The following TMPRSS9 variants were observed in gnomAD, a reference collection of about 807,000 sequenced individuals.
The protein encoded by TMPRSS9 is transmembrane protease serine 9.
A neutral mutation model predicts 111.4 loss-of-function variants in TMPRSS9; 113 were observed. The observed-to-expected ratio is 1.01, with a 90% CI of 0.87 to 1.19. TMPRSS9 has a LOEUF of 1.19. Among genes scored for constraint, TMPRSS9 ranks in the 50% most tolerant of loss-of-function variants. The pLI is 0.00. For missense variants in TMPRSS9, 1,803 were observed against 1,513.1 expected (o/e 1.19, Z -3.18); for synonymous variants, 805 against 659.1 (o/e 1.22, Z -3.39).
chr19:2,424,597 C>T (rs1404089549), intron 15 of TMPRSS9, among the ~76,000 whole-genome samples: 1 of 151,794 alleles, frequency 6.6e-6, no homozygotes, highest in Non-Finnish European at 1.5e-5. Context: ...TTCCCCAGCC[C>T]TCGCCCCTGG....
chr19:2,413,443 C>T (rs532128115), intron 9 of TMPRSS9, among the ~76,000 whole-genome samples: 1 of 152,124 alleles, frequency 6.6e-6, no homozygotes, highest in South Asian at 2.1e-4. Context: ...ATTTGGGTCA[C>T]GTTTTGGCCT....
chr19:2,408,716 C>T (rs1245933888), intron 8 of TMPRSS9, 86 bp downstream of exon 9: 2 of 1,515,302 alleles, frequency 1.3e-6, no homozygotes, highest in African/African-American at 2.7e-5. Flanking sequence ...GTGGCTCACG[C>T]CTGTCATCCC....
intron 1 of TMPRSS9, among the ~76,000 whole-genome samples, chr19:2,390,702 A>G (rs1170671083): frequency 2.0e-5 from 3 of 151,560 alleles, no homozygotes; most frequent in Admixed American, 6.6e-5. Context: ...CAGAAAATAC[A>G]AAAAATTACC....
rs531358290 is a variant in TMPRSS9 at position 2,424,085 on chromosome 19, G to A, written c.2549-4G>A. On this transcript the variant is annotated splice_polypyrimidine_tract_variant and splice_region_variant and intron_variant, in intron 14 of 17. Transcript: ENST00000648592. ...GCCTGCCCACGCGCCTGGCTCCCCC[G>A]CAGACTGTGGCCTGGCGCCGGCCGC... 9 of 1,284,884 alleles carry A rather than the reference G, an allele frequency of 7.0e-6. No homozygotes were observed. The highest frequency in any genetic ancestry group is 3.1e-5 in the East Asian group (1 of 31,924). 79.6% of individuals were successfully genotyped at this position (1,284,884 alleles called of 1,614,324 possible).
chr19:2,420,578 A>G (rs1432903757), intron 13 of TMPRSS9, among the ~76,000 whole-genome samples: 1 of 152,324 alleles, frequency 6.6e-6, no homozygotes, highest in Middle Eastern at 3.4e-3. Context: ...GAAGGTGGTA[A>G]ATAACCTGCA....
intron 1 of TMPRSS9, among the ~76,000 whole-genome samples, chr19:2,380,356 G>A (rs1388279555): frequency 1.3e-5 from 2 of 151,958 alleles, no homozygotes; most frequent in Non-Finnish European, 2.9e-5. Flanking sequence ...AGGACTTTGG[G>A]AGGCCAAGGT....
upstream of TMPRSS9, among the ~76,000 whole-genome samples, chr19:2,388,925 A>G (rs1189512789): frequency 6.6e-6 from 1 of 151,390 alleles, no homozygotes; most frequent in Non-Finnish European, 1.5e-5. Flanking sequence ...CGCCTGGCCG[A>G]AAACTCGGTG....
intron 1 of TMPRSS9, among the ~76,000 whole-genome samples, chr19:2,364,892 T>A (rs764129604): frequency 2.0e-5 from 3 of 149,854 alleles, no homozygotes; most frequent in Non-Finnish European, 4.4e-5. Flanking sequence ...AGCAGGAGAA[T>A]GGCGTGAACC....
intron 1 of TMPRSS9, among the ~76,000 whole-genome samples, chr19:2,372,061 G>A (rs1970295653): frequency 6.6e-6 from 1 of 152,100 alleles, no homozygotes; most frequent in Non-Finnish European, 1.5e-5. Flanking sequence ...TAGTAGATGG[G>A]GGCCAGGCTG....
chr19:2,368,539 C>T (rs926116796), intron 1 of TMPRSS9, among the ~76,000 whole-genome samples: 1 of 151,984 alleles, frequency 6.6e-6, no homozygotes, highest in Admixed American at 6.6e-5. Flanking sequence ...GAGGTTTGGG[C>T]AGAGGTGGGA....
chr19:2,396,934 T>C (rs1167107786), intron 2 of TMPRSS9, among the ~76,000 whole-genome samples: 1 of 151,936 alleles, frequency 6.6e-6, no homozygotes, highest in Admixed American at 6.6e-5. Flanking sequence ...TTTCTTTTTT[T>C]TCTTGAGACG....
In TMPRSS9 at chr19:2,419,832, A is replaced by T. The variant is rs78361343; in HGVS notation, c.2154+1694A>T. ...GCACCCGGCCATAGCCACCATGCCC[A>T]GATTTCTGAAGGGCTCAACCGTGCA... On this transcript the variant is annotated intron_variant, in intron 13 of 17. Transcript: ENST00000648592. 8.0e-3 allele frequency among the ~76,000 whole-genome samples: 1,212 copies of T among 152,288 alleles called. 7 individuals carry two copies. The highest frequency in any genetic ancestry group is 0.012 in the Non-Finnish European group (848 of 68,028).
intron 1 of TMPRSS9, among the ~76,000 whole-genome samples, chr19:2,368,774 G>GTTTTTTTTTTTTTGTT (rs1970266162): frequency 2.8e-5 from 2 of 70,366 alleles, no homozygotes; most frequent in African/African-American, 6.0e-5. Context: ...GATAAACCCA[G>GTTTTTTTTTTTTTGTT]TTTTTTTTTT....
Position 2,418,291 on chromosome 19 carries a change from CT to C in TMPRSS9, c.2154+156del, listed in dbSNP as rs375154293. Among the ~76,000 whole-genome samples, 66 of 71,882 alleles carry C rather than the reference CT, an allele frequency of 9.2e-4. 6 individuals are homozygous for C. Among genetic ancestry groups the C allele is most frequent in the African/African-American group, 1.3e-3 (18 of 13,812 alleles). The allele number at this position is 71,882 out of a possible 152,430, so 47.2% of individuals were successfully genotyped here. On this transcript the variant is annotated intron_variant, in intron 13 of 17. Coordinates refer to ENST00000648592, the Ensembl canonical transcript of TMPRSS9. ...GTCCTTCCCTCCTTTTCCTTTCCTC[CT>C]TTCCTTCCCTCCCTTTCCCTCCCTC... is the stretch of plus-strand genomic sequence containing the variant.
Position 2,424,984 on chromosome 19 carries a change from T to C in TMPRSS9, c.2718-18T>C. ...GCGTGGGGGCTCGGGCCGACGCCTG[T>C]CCTCGCGCGCCCCGCAGCTACGGGG... On this transcript the variant is annotated intron_variant, in intron 15 of 17. Transcript: ENST00000648592. 2 of 1,498,670 alleles carry C rather than the reference T, an allele frequency of 1.3e-6. No individual in the cohort carries two copies. Among genetic ancestry groups the C allele is most frequent in the Non-Finnish European group, 1.8e-6 (2 of 1,128,802 alleles). The allele number at this position is 1,498,670 out of a possible 1,614,324, so 92.8% of individuals were successfully genotyped here. A position where few individuals can be genotyped will look rare whatever the true frequency, so the allele number is the denominator to read the frequency against.
At chr19:2,411,328 AAAAAAGAG>A (rs1971091320) in intron 9 of TMPRSS9, among the ~76,000 whole-genome samples, 2 of 139,672 alleles carry the variant, frequency 1.4e-5, no homozygotes, top group African/African-American at 5.3e-5. Context: ...AAAAAAAAAA[AAAAAAGAG>A]AAAATCAGGG....
chr19:2,399,155 T>C (rs1487860486), exon 4 of TMPRSS9: 1 of 1,610,964 alleles, frequency 6.2e-7, no homozygotes, highest in East Asian at 2.2e-5. Flanking sequence ...GGCATCTCCC[T>C]GGCTGCCTAT....
At chr19:2,394,033 T>C (rs748493493) in intron 1 of TMPRSS9, among the ~76,000 whole-genome samples, 30 of 151,932 alleles carry the variant, frequency 2.0e-4, no homozygotes, top group Non-Finnish European at 3.4e-4. Context: ...AAACCCCGTC[T>C]CTACTAAAAT....
intron 1 of TMPRSS9, among the ~76,000 whole-genome samples, chr19:2,382,772 C>T (rs10405524): frequency 0.39 from 58,476 of 151,230 alleles, 11,576 homozygotes; most frequent in East Asian, 0.6. Context: ...GATGCACACA[C>T]GCACACACAG....
Sources: gnomAD v4.1 joint callset for allele counts (sites outside exome capture counted in the v4.1 genomes callset) on GRCh38, gnomAD v4.1.1 for gene constraint, MANE v1.5 for transcripts, NCBI Gene and HGNC (gene_info 2026-07-23, HGNC 2026-07-21) for gene names.